GABRG3: variants seen among roughly 807,000 people sequenced by gnomAD.
The protein encoded by GABRG3 is gamma-aminobutyric acid type A receptor subunit gamma3.
In GABRG3, 25 loss-of-function variants were observed where a neutral mutation model predicts 48.8. The ratio of observed to expected loss-of-function variants is 0.51; its 90% CI spans 0.37 to 0.72. GABRG3 has a LOEUF of 0.72. Ranked by LOEUF, GABRG3 falls within the 30% of genes least tolerant of loss-of-function variation. GABRG3 has a pLI of 0.00. For synonymous variants in GABRG3, 227 were observed against 217.6 expected, an observed-to-expected ratio of 1.04 and a Z score of -0.38; for missense variants, 394 against 577.9, an observed-to-expected ratio of 0.68 and a Z score of 3.26.
At chr15:27,265,567 C>T (rs889894012) in intron 3 of GABRG3, among the ~76,000 whole-genome samples, 1 of 152,110 alleles carries the variant, frequency 6.6e-6, no homozygotes, top group Non-Finnish European at 1.5e-5. Context: ...CGAAGGGAAG[C>T]GCCGAAAGCA....
chr15:27,071,764 T>C (rs1276473951), intron 3 of GABRG3, among the ~76,000 whole-genome samples: 1 of 152,260 alleles, frequency 6.6e-6, no homozygotes, highest in Admixed American at 6.5e-5. Context: ...TATGGATATT[T>C]ACTCTGAATT....
chr15:26,977,221 A>G, intron 2 of GABRG3, 71 bp downstream of exon 2: 1 of 1,469,086 alleles, frequency 6.8e-7, no homozygotes, highest in Non-Finnish European at 9.3e-7. Flanking sequence ...CTTTTGAGTA[A>G]TTGTGAATTC....
intron 5 of GABRG3, among the ~76,000 whole-genome samples, chr15:27,369,864 A>G (rs892594310): frequency 6.6e-6 from 1 of 151,068 alleles, no homozygotes; most frequent in South Asian, 2.1e-4. Flanking sequence ...AAAACCTTTC[A>G]GATGTGGGCA....
At chr15:27,252,563 C>G (rs1423842966) in intron 3 of GABRG3, among the ~76,000 whole-genome samples, 1 of 152,208 alleles carries the variant, frequency 6.6e-6, no homozygotes, top group Non-Finnish European at 1.5e-5. Context: ...CGCTGGTCCT[C>G]TGAGGAATTT....
At chr15:27,341,234 C>T (rs1894165777) in intron 5 of GABRG3, among the ~76,000 whole-genome samples, 1 of 151,966 alleles carries the variant, frequency 6.6e-6, no homozygotes, top group Non-Finnish European at 1.5e-5. Context: ...ATATTATTTG[C>T]CTTTTTAAGT....
chr15:27,326,034 AG>A (rs1436075300), intron 3 of GABRG3, among the ~76,000 whole-genome samples: 1 of 152,220 alleles, frequency 6.6e-6, no homozygotes, highest in Non-Finnish European at 1.5e-5. Context: ...GAGGCAGCCC[AG>A]TCTGCAGGCA....
At chr15:27,173,862 G>A (rs892077931) in intron 3 of GABRG3, among the ~76,000 whole-genome samples, 9 of 152,116 alleles carry the variant, frequency 5.9e-5, no homozygotes, top group Non-Finnish European at 8.8e-5. Context: ...ATCCTGGGCA[G>A]CAGAGTGAGA....
At chr15:27,487,171 A>C (rs1291076903) in intron 6 of GABRG3, among the ~76,000 whole-genome samples, 3 of 152,214 alleles carry the variant, frequency 2.0e-5, no homozygotes. Context: ...CGGGAAATGC[A>C]GAAAAAACCT....
chr15:27,329,585 T>C (rs1200986202), intron 5 of GABRG3, among the ~76,000 whole-genome samples: 1 of 152,194 alleles, frequency 6.6e-6, no homozygotes, highest in Non-Finnish European at 1.5e-5. Context: ...TATTTTAAAG[T>C]AAGGTGATTT....
chr15:27,145,603 C>CTCTATCTATCTATCTATCTATCATCTA (rs71132803), intron 3 of GABRG3, among the ~76,000 whole-genome samples: 11,367 of 102,236 alleles, frequency 0.11, 849 homozygotes, highest in Middle Eastern at 0.14. Context: ...ATATATCTAT[C>CTCTATCTATCTATCTATCTATCATCTA]TCTATCTATC....
chr15:26,987,328 A>G (rs953285189), intron 2 of GABRG3, among the ~76,000 whole-genome samples: 4 of 152,236 alleles, frequency 2.6e-5, no homozygotes, highest in Non-Finnish European at 4.4e-5. Context: ...TAGAGCCCTT[A>G]GACAACTTTA....
At chr15:27,508,260 A>G (rs1890808241) in intron 6 of GABRG3, among the ~76,000 whole-genome samples, 1 of 152,162 alleles carries the variant, frequency 6.6e-6, no homozygotes, top group Non-Finnish European at 1.5e-5. Context: ...ATTACATTTA[A>G]TTAACAATGC....
At chr15:27,141,508 T>G (rs549700660) in intron 3 of GABRG3, among the ~76,000 whole-genome samples, 1 of 152,302 alleles carries the variant, frequency 6.6e-6, no homozygotes, top group East Asian at 1.9e-4. Context: ...CTTCAGGAGA[T>G]GCAAAGGAAA....
chr15:27,359,903 A>G (rs1894965661), intron 5 of GABRG3, among the ~76,000 whole-genome samples: 1 of 152,192 alleles, frequency 6.6e-6, no homozygotes, highest in South Asian at 2.1e-4. Flanking sequence ...ATTTCCATAT[A>G]CGTTTTTCTT....
intron 5 of GABRG3, among the ~76,000 whole-genome samples, chr15:27,384,673 C>G (rs1164156525): frequency 2.0e-5 from 3 of 152,076 alleles, no homozygotes; most frequent in African/African-American, 7.2e-5. Context: ...GTCTGAATTA[C>G]AGATTAATGT....
intron 5 of GABRG3, among the ~76,000 whole-genome samples, chr15:27,403,212 A>G (rs1036141914): frequency 4.6e-5 from 7 of 151,888 alleles, no homozygotes; most frequent in African/African-American, 1.7e-4. Context: ...AAAATGACCA[A>G]AAAAAAATGT....
Position 27,434,982 on chromosome 15 carries a change from A to T in GABRG3, c.575-45668A>T, listed in dbSNP as rs188674719. ...ATCCAACAGGCCAAGAAGCCCTGAT[A>T]CCCCAGCTGTTCACGCAACATGCCA... On this transcript the variant is annotated intron_variant, in intron 5 of 9. Transcript: ENST00000615808. Among the ~76,000 whole-genome samples, 190 of 152,034 alleles carry T rather than the reference A, an allele frequency of 1.2e-3. 3 individuals carry two copies. Among genetic ancestry groups the T allele is most frequent in the African/African-American group, 4.1e-3 (168 of 41,474 alleles).
chr15:26,981,481 A>G (rs1057172801), intron 2 of GABRG3, among the ~76,000 whole-genome samples: 3 of 152,238 alleles, frequency 2.0e-5, no homozygotes, highest in East Asian at 1.9e-4. Context: ...CCTGTCATCA[A>G]TGGATGGACT....
chr15:27,182,783 G>C (rs1236622357), intron 3 of GABRG3, among the ~76,000 whole-genome samples: 1 of 152,142 alleles, frequency 6.6e-6, no homozygotes, highest in Non-Finnish European at 1.5e-5. Flanking sequence ...GCTTCTGCTC[G>C]GGGCCAGGCT....
Sources: allele counts gnomAD v4.1 joint callset (sites outside exome capture counted in the v4.1 genomes callset), GRCh38; gene constraint gnomAD v4.1.1; transcripts MANE v1.5; gene names NCBI Gene and HGNC (gene_info 2026-07-23, HGNC 2026-07-21).